CENPH: variants seen among roughly 807,000 people sequenced by gnomAD.
CENPH encodes centromere protein H.
CENPH carries 40 observed loss-of-function variants against 42.9 expected under a neutral mutation model. That is an observed-to-expected ratio of 0.93 (90% CI 0.72 to 1.21). The LOEUF (loss-of-function observed/expected upper bound fraction) is 1.21, where lower values mean the gene tolerates loss of function less well. Ranked by LOEUF, CENPH falls within the 50% of genes most tolerant of loss-of-function variation. The pLI, the probability that CENPH is intolerant of heterozygous loss-of-function variation, is 0.00. For synonymous variants in CENPH, 88 were observed against 96.5 expected, an observed-to-expected ratio of 0.91 and a Z score of 0.52; for missense variants, 302 against 292.9, an observed-to-expected ratio of 1.03 and a Z score of -0.23.
At chr5:69,196,138 C>T (rs776014041) in intron 4 of CENPH, among the ~76,000 whole-genome samples, 2 of 152,012 alleles carry the variant, frequency 1.3e-5, no homozygotes, top group Non-Finnish European at 2.9e-5. Flanking sequence ...TGGGGTCTCA[C>T]TGTGCCCAGG....
At chr5:69,192,960 G>A (rs1029501953) in intron 2 of CENPH, among the ~76,000 whole-genome samples, 1 of 143,986 alleles carries the variant, frequency 6.9e-6, no homozygotes, top group Non-Finnish European at 1.5e-5. Flanking sequence ...GCTGGGCGTG[G>A]TGGTGCATGC....
chr5:69,198,260 A>C (rs1356965099), intron 5 of CENPH, among the ~76,000 whole-genome samples: 1 of 151,664 alleles, frequency 6.6e-6, no homozygotes, highest in Non-Finnish European at 1.5e-5. Context: ...TTGTGATAAA[A>C]TATCCCCTTC....
intron 1 of CENPH, 100 bp downstream of exon 1, chr5:69,189,868 A>G (rs1443865987): frequency 7.7e-7 from 1 of 1,292,814 alleles, no homozygotes; most frequent in African/African-American, 1.5e-5. Context: ...ACGCTCGGTC[A>G]CGTCAGGTCT....
chr5:69,196,382 C>T (rs751478263), intron 4 of CENPH, among the ~76,000 whole-genome samples: 9 of 152,166 alleles, frequency 5.9e-5, no homozygotes, highest in Non-Finnish European at 1.2e-4. Context: ...CGGTGGCTCG[C>T]GCCTGTAATC....
intron 1 of CENPH, 133 bp from the exon 2 acceptor site, chr5:69,191,662 T>G (rs1469720548): frequency 5.0e-6 from 3 of 595,620 alleles, no homozygotes; most frequent in Admixed American, 3.4e-5. Flanking sequence ...AAGTTTGTAA[T>G]TAGGAGTTTA....
intron 7 of CENPH, among the ~76,000 whole-genome samples, chr5:69,205,304 T>G (rs1748134073): frequency 6.6e-6 from 1 of 151,992 alleles, no homozygotes; most frequent in Non-Finnish European, 1.5e-5. Context: ...CTTGGCTCTC[T>G]GCAACCTCTG....
chr5:69,202,038 A>G (rs1405161607), intron 5 of CENPH, among the ~76,000 whole-genome samples: 1 of 152,170 alleles, frequency 6.6e-6, no homozygotes, highest in Admixed American at 6.6e-5. Context: ...GTATATGAGA[A>G]ATCTCTGTAC....
chr5:69,201,912 C>T (rs1002072895), intron 5 of CENPH, among the ~76,000 whole-genome samples: 5 of 152,110 alleles, frequency 3.3e-5, no homozygotes, highest in South Asian at 4.1e-4. Context: ...ATGTAAAATC[C>T]GGACTTTGGG....
intron 7 of CENPH, among the ~76,000 whole-genome samples, chr5:69,204,597 CTTTTTT>C (rs530678541): frequency 7.2e-5 from 5 of 69,576 alleles, no homozygotes; most frequent in South Asian, 6.5e-4. Flanking sequence ...GCTTGTATTT[CTTTTTT>C]TTTTTTTTTT....
Position 69,210,052 on chromosome 5 carries a change from A to C in CENPH, c.*253A>C, listed in dbSNP as rs1561326138. On this transcript the variant is annotated 3_prime_UTR_variant, in exon 9 of 9. Transcript: ENST00000283006. ...AGTCTCGCTTTGTTGCCCAGACTGG[A>C]GGGCAGTGGCGCGATCTCGGCTCAC... 2.0e-5 allele frequency: 5 copies of C among 251,402 alleles called. No homozygotes were observed. The South Asian group carries it at 2.0e-4, about 10-fold the overall frequency. 15.6% of individuals were successfully genotyped at this position (251,402 alleles called of 1,614,324 possible).
In CENPH at chr5:69,197,116, T is replaced by C; in HGVS notation, c.371+7T>C. 7.0e-7 allele frequency: 1 copy of C among 1,426,614 alleles called. No individual in the cohort carries two copies. The highest frequency in any genetic ancestry group is 1.5e-5 in the South Asian group (1 of 68,910). 88.4% of individuals were successfully genotyped at this position (1,426,614 alleles called of 1,614,324 possible). A position where few individuals can be genotyped will look rare whatever the true frequency, so the allele number is the denominator to read the frequency against. On this transcript the variant is annotated splice_region_variant and intron_variant, in intron 5 of 8. Coordinates refer to ENST00000283006, the MANE Select transcript of CENPH (RefSeq NM_022909.4). Reference sequence around the variant, plus strand: ...AAATTAGCAGACAGTCTAGGTATGATTTTTTTTTTCTCTGGATTCGGTAAG... The same window carrying C: ...AAATTAGCAGACAGTCTAGGTATGACTTTTTTTTTCTCTGGATTCGGTAAG...
intron 7 of CENPH, among the ~76,000 whole-genome samples, chr5:69,205,446 G>A (rs1748136010): frequency 6.6e-6 from 1 of 151,022 alleles, no homozygotes; most frequent in Admixed American, 6.6e-5. Context: ...GGCTGGTCTC[G>A]AACTCCTCAC....
At position 69,202,504 on chromosome 5, in the gene CENPH, A is replaced by G. The variant is rs779339266; in HGVS notation, c.372-2A>G. ...TAAATCATCTTTTTGTTTCCTTTTC[A>G]GTGTGCTCATGGATAACATGAAACA... On this transcript the variant is annotated splice_acceptor_variant, in intron 5 of 8. Transcript: ENST00000283006. LOFTEE classifies it high-confidence loss of function. 9.9e-6 allele frequency: 15 copies of G among 1,516,918 alleles called. No individual in the cohort carries two copies. The highest frequency in any genetic ancestry group is 1.2e-5 in the Non-Finnish European group (13 of 1,102,152). The allele number at this position is 1,516,918 out of a possible 1,614,324, so 94.0% of individuals were successfully genotyped here. A position where few individuals can be genotyped will look rare whatever the true frequency, so the allele number is the denominator to read the frequency against.
chr5:69,199,654 C>A (rs1580226740), intron 5 of CENPH, among the ~76,000 whole-genome samples: 2 of 152,108 alleles, frequency 1.3e-5, no homozygotes, highest in African/African-American at 4.8e-5. Context: ...TTCCTTGATA[C>A]TATCTGGGAG....
chr5:69,192,043 G>A (rs1048287064), intron 2 of CENPH, among the ~76,000 whole-genome samples, 193 bp downstream of exon 2: 5 of 152,056 alleles, frequency 3.3e-5, no homozygotes, highest in Non-Finnish European at 5.9e-5. Flanking sequence ...ATGCTACTGC[G>A]CCCGTCTAAT....
At chr5:69,205,993 G>A (rs897938631) in intron 7 of CENPH, among the ~76,000 whole-genome samples, 3 of 151,974 alleles carry the variant, frequency 2.0e-5, no homozygotes, top group Non-Finnish European at 4.4e-5. Flanking sequence ...ACAGGCATGA[G>A]CCACCATGCC....
Position 69,194,139 on chromosome 5 carries a change from A to G in CENPH, c.191-508A>G, listed in dbSNP as rs1356172438. Among the ~76,000 whole-genome samples, 3 of 151,574 alleles carry G rather than the reference A, an allele frequency of 2.0e-5. No homozygotes were observed. The East Asian group carries it at 5.8e-4, about 29-fold the overall frequency. On this transcript the variant is annotated intron_variant, in intron 2 of 8. Transcript: ENST00000283006. Reference sequence around the variant, plus strand: ...TTGAGGTATTTGTTGATCCCTACACAAGTGCCACATTGTCTTTGTTGGTTG... The same window carrying G: ...TTGAGGTATTTGTTGATCCCTACACGAGTGCCACATTGTCTTTGTTGGTTG...
chr5:69,210,063 G>A lies in CENPH; in HGVS notation c.*264G>A, dbSNP rs915203667. On this transcript the variant is annotated 3_prime_UTR_variant, in exon 9 of 9. Coordinates refer to ENST00000283006, the MANE Select transcript of CENPH (RefSeq NM_022909.4). The stretch of plus-strand genomic sequence containing the variant: ...GTTGCCCAGACTGGAGGGCAGTGGC[G>A]CGATCTCGGCTCACTGCAACCTCTG... The A allele has an allele frequency of 8.5e-5, 19 of 222,648 alleles. No homozygotes were observed. The highest frequency in any genetic ancestry group is 7.9e-4 in the East Asian group (7 of 8,842). The allele number at this position is 222,648 out of a possible 1,614,324, so 13.8% of individuals were successfully genotyped here. A position where few individuals can be genotyped will look rare whatever the true frequency, so the allele number is the denominator to read the frequency against.
chr5:69,197,081 A>C lies in CENPH; in HGVS notation c.343A>C (p.Asn115His), dbSNP rs755540132. 1 of 1,582,336 alleles carries C rather than the reference A, an allele frequency of 6.3e-7. No homozygotes were observed. The highest frequency in any genetic ancestry group is 1.2e-5 in the South Asian group (1 of 84,298). Residue 115 changes from asparagine to histidine, a missense_variant, in exon 5 of 9, where the codon AAC (asparagine) becomes CAC (histidine). By Grantham distance (68) the Asn-to-His change is moderately conservative (BLOSUM62 1). Coordinates refer to ENST00000283006, the MANE Select transcript of CENPH (RefSeq NM_022909.4). ...GAGACTTTCAACTGCACTTAAAAAA[A>C]ACCTGGAGAAAATTAGCAGACAGTC... ...RMRLSTALKK[N>H]LEKISRQSSV...
Sources: allele counts gnomAD v4.1 joint callset (sites outside exome capture counted in the v4.1 genomes callset), GRCh38; gene constraint gnomAD v4.1.1; transcripts MANE v1.5; gene names NCBI Gene and HGNC (gene_info 2026-07-23, HGNC 2026-07-21).